UBE2O: variants seen among roughly 807,000 people sequenced by gnomAD.
UBE2O encodes ubiquitin conjugating enzyme E2 O.
A neutral mutation model predicts 125.8 loss-of-function variants in UBE2O; 15 were observed. The ratio of observed to expected loss-of-function variants is 0.12; its 90% CI spans 0.08 to 0.18. UBE2O has a LOEUF of 0.18. Ranked by LOEUF, UBE2O falls within the 10% of genes least tolerant of loss-of-function variation. The pLI, the probability that UBE2O is intolerant of heterozygous loss-of-function variation, is 1.00. For synonymous variants in UBE2O, 708 were observed against 703.2 expected (o/e 1.01, Z -0.11); for missense variants, 1,280 against 1,723.6 (o/e 0.74, Z 4.56).
intron 1 of UBE2O, among the ~76,000 whole-genome samples, chr17:76,424,230 CAG>C (rs909226179): frequency 8.7e-5 from 5 of 57,402 alleles, no homozygotes; most frequent in Non-Finnish European, 1.4e-4. Flanking sequence ...TTTTTTGAGA[CAG>C]AATTTAACTT....
intron 1 of UBE2O, among the ~76,000 whole-genome samples, chr17:76,442,802 C>T (rs2073094263): frequency 1.3e-5 from 2 of 152,054 alleles, no homozygotes; most frequent in Non-Finnish European, 1.5e-5. Context: ...GGTCAGTTGG[C>T]GGCAGCGCTG....
Position 76,395,496 on chromosome 17 carries a change from A to G in UBE2O, c.2946+229T>C. On this transcript the variant is annotated intron_variant, in intron 15 of 17. Transcript: ENST00000319380. The surrounding 1 kb of genome is among the most constrained non-coding windows in gnomAD (Gnocchi z 5.0). ...TGTGAGCCACTGCGCCCGGCCGAGA[A>G]AGTAATTTTTTAAAGGAGGGAGGAA... The G allele has an allele frequency of 4.1e-6, 2 of 487,052 alleles. No homozygotes were observed. The highest frequency in any genetic ancestry group is 3.7e-5 in the Admixed American group (1 of 26,672). 30.2% of individuals were successfully genotyped at this position (487,052 alleles called of 1,614,324 possible). A position where few individuals can be genotyped will look rare whatever the true frequency, so the allele number is the denominator to read the frequency against.
Position 76,453,074 on chromosome 17 carries a change from TCCGGGGCTGGAG to T in UBE2O, c.56_67del (p.Ala19_Pro22del). 1.6e-6 allele frequency: 2 copies of T among 1,233,048 alleles called. No homozygotes were observed. The highest frequency in any genetic ancestry group is 2.0e-5 in the South Asian group (1 of 49,352). 76.4% of individuals were successfully genotyped at this position (1,233,048 alleles called of 1,614,324 possible). A position where few individuals can be genotyped will look rare whatever the true frequency, so the allele number is the denominator to read the frequency against. On this transcript the variant is annotated inframe_deletion, in exon 1 of 18. Transcript: ENST00000319380. Reference sequence around the variant, plus strand: ...GGCTGCGGCTGGGGCCGGGACTGCCTCCGGGGCTGGAGCCGGGGCCTGGGCTGGAGCGGGAGC... The same window carrying T: ...GGCTGCGGCTGGGGCCGGGACTGCCTCCGGGGCCTGGGCTGGAGCGGGAGC...
chr17:76,406,300 C>T (rs573889606), intron 1 of UBE2O, among the ~76,000 whole-genome samples: 13 of 152,328 alleles, frequency 8.5e-5, no homozygotes, highest in East Asian at 3.9e-4. Flanking sequence ...GGCCAGCCTG[C>T]GTCTTTTTTA....
chr17:76,441,271 T>C (rs1187957621), intron 1 of UBE2O, among the ~76,000 whole-genome samples: 1 of 152,226 alleles, frequency 6.6e-6, no homozygotes, highest in Non-Finnish European at 1.5e-5. Context: ...GGGTGTGTTA[T>C]ACTCAAAACA....
Position 76,395,576 on chromosome 17 carries a change from C to A in UBE2O, c.2946+149G>T, listed in dbSNP as rs2072192797. 1 of 879,582 alleles carries A rather than the reference C, an allele frequency of 1.1e-6. No homozygotes were observed. The highest frequency in any genetic ancestry group is 2.5e-5 in the Admixed American group (1 of 39,628). The allele number at this position is 879,582 out of a possible 1,614,324, so 54.5% of individuals were successfully genotyped here. ...CTGAGTCAGCCCTCACCTGACTGAG[C>A]CTGTGACCGCCCCTGTAAAAGGTGG... On this transcript the variant is annotated intron_variant, in intron 15 of 17. Transcript: ENST00000319380. The surrounding 1 kb of genome is among the most constrained non-coding windows in gnomAD (Gnocchi z 5.0).
At chr17:76,437,740 C>T (rs994627160) in intron 1 of UBE2O, among the ~76,000 whole-genome samples, 12 of 151,944 alleles carry the variant, frequency 7.9e-5, no homozygotes, top group African/African-American at 2.9e-4. Context: ...TTTTTACTTT[C>T]GACAAATATA....
At chr17:76,434,293 C>A (rs1283601580) in intron 1 of UBE2O, among the ~76,000 whole-genome samples, 2 of 152,114 alleles carry the variant, frequency 1.3e-5, no homozygotes, top group African/African-American at 4.8e-5. Context: ...AATAAGCACA[C>A]GGTGGCTGAA....
At chr17:76,417,366 C>T (rs2072633260) in intron 1 of UBE2O, among the ~76,000 whole-genome samples, 1 of 152,196 alleles carries the variant, frequency 6.6e-6, no homozygotes, top group Non-Finnish European at 1.5e-5. Flanking sequence ...CTGGAGAAGA[C>T]GATAACATTT....
Position 76,416,839 on chromosome 17 carries a change from C to T in UBE2O, c.418-11267G>A, listed in dbSNP as rs2072625067. 2.0e-5 allele frequency among the ~76,000 whole-genome samples: 3 copies of T among 152,180 alleles called. No individual in the cohort carries two copies. In the South Asian group the frequency reaches 6.2e-4, roughly 32 times the overall value. ...AGCAGCTCATCTCAGGACAGTGAAACAGGACTCAAATACTAACTAGAACAG... is the reference window on the plus strand; with the variant it reads ...AGCAGCTCATCTCAGGACAGTGAAATAGGACTCAAATACTAACTAGAACAG... On this transcript the variant is annotated intron_variant, in intron 1 of 17. Transcript: ENST00000319380.
rs2073275972 is a variant in UBE2O, at chr17:76,452,729, G to C, written c.413C>G (p.Thr138Ser). The stretch of plus-strand genomic sequence containing the variant: ...CCCAGCCCCCGCCCGCCGCACCTTG[G>C]TCTCCTTCACATGCTGCTTGACGCC... Reference protein sequence around the residue: ...PEGVKQHVKETKLKLEDRSVV... With the variant: ...PEGVKQHVKESKLKLEDRSVV... The change falls in exon 1 of 18, where the codon ACC becomes AGC. Residue 138 changes from threonine to serine, a missense_variant. Thr to Ser is a moderately conservative substitution (Grantham distance 58). Coordinates refer to ENST00000319380, the MANE Select transcript of UBE2O (RefSeq NM_022066.4). The surrounding 1 kb of genome is among the most constrained non-coding windows in gnomAD (Gnocchi z 4.4). 6.9e-7 allele frequency: 1 copy of C among 1,458,932 alleles called. No individual in the cohort carries two copies. Among genetic ancestry groups the C allele is most frequent in the Non-Finnish European group, 9.0e-7 (1 of 1,114,512 alleles). 90.4% of individuals were successfully genotyped at this position (1,458,932 alleles called of 1,614,324 possible).
chr17:76,398,565 A>G lies in UBE2O; in HGVS notation c.1803T>C (p.Pro601=), dbSNP rs368245168. 32 of 1,614,112 alleles carry G rather than the reference A, an allele frequency of 2.0e-5. No homozygotes were observed. Among genetic ancestry groups the G allele is most frequent in the African/African-American group, 1.6e-4 (12 of 75,030 alleles). The change falls in exon 11 of 18, where the codon CCT becomes CCC. Residue 601 remains proline, a synonymous_variant. Coordinates refer to ENST00000319380, the MANE Select transcript of UBE2O (RefSeq NM_022066.4). This position sits in a 1 kb window ranked among gnomAD's most constrained non-coding sequence, Gnocchi z 5.4. ...VDKRVQSCPD[P]AVYGVVQSGD... ...CAGACTGTACCACACCGTAGACAGCAGGGTCTGGACAGCTCTGGACTAGGG... is the reference window on the plus strand; with the variant it reads ...CAGACTGTACCACACCGTAGACAGCGGGGTCTGGACAGCTCTGGACTAGGG...
intron 3 of UBE2O, among the ~76,000 whole-genome samples, chr17:76,403,156 G>T (rs1242707081): frequency 6.6e-6 from 1 of 151,228 alleles, no homozygotes; most frequent in African/African-American, 2.4e-5. Flanking sequence ...GTTGGAGAAG[G>T]TGCCCAGGTG....
rs551398859 is a variant in UBE2O, at chr17:76,436,959, A to G, written c.417+15766T>C. On this transcript the variant is annotated intron_variant, in intron 1 of 17. Coordinates refer to ENST00000319380, the MANE Select transcript of UBE2O (RefSeq NM_022066.4). The stretch of plus-strand genomic sequence containing the variant: ...CCAGCCTGGCCAACATGTTGAAACC[A>G]TTTCTACTAAAAATGCAAAACAAAC... Among the ~76,000 whole-genome samples the G allele has an allele frequency of 6.2e-4, 95 of 152,154 alleles. 1 individual carries two copies. The highest frequency in any genetic ancestry group is 3.7e-3 in the South Asian group (18 of 4,808).
Position 76,399,411 on chromosome 17 carries a change from G to A in UBE2O, c.1628+38C>T, listed in dbSNP as rs1276786831. The A allele has an allele frequency of 1.6e-5, 26 of 1,588,540 alleles. No individual in the cohort carries two copies. The highest frequency in any genetic ancestry group is 5.4e-5 in the African/African-American group (4 of 74,410). ...GGACGCGCACTCTGCCTGGCTTCAC[G>A]CTGACGCCATTGGGGAGGGGCACAA... On this transcript the variant is annotated intron_variant, in intron 9 of 17. Coordinates refer to ENST00000319380, the MANE Select transcript of UBE2O (RefSeq NM_022066.4). The surrounding 1 kb of genome is among the most constrained non-coding windows in gnomAD (Gnocchi z 6.9).
chr17:76,419,402 G>A (rs1055288594), intron 1 of UBE2O, among the ~76,000 whole-genome samples: 1 of 151,844 alleles, frequency 6.6e-6, no homozygotes, highest in African/African-American at 2.4e-5. Flanking sequence ...ATATGGGGGT[G>A]TAATGAAGAA....
chr17:76,450,703 C>A lies in UBE2O; in HGVS notation c.417+2022G>T, dbSNP rs539210499. Among the ~76,000 whole-genome samples the A allele has an allele frequency of 4.3e-4, 66 of 152,180 alleles. No individual in the cohort carries two copies. In the East Asian group the frequency reaches 6.6e-3, roughly 15 times the overall value. On this transcript the variant is annotated intron_variant, in intron 1 of 17. Transcript: ENST00000319380. ...ATGGTGCCATCTCAGCTCACCGCAA[C>A]CTCCGCCTCCCTGGTTCAAGCAATT...
In UBE2O at chr17:76,396,924, T is replaced by C; in HGVS notation, c.2116-103A>G. The C allele has an allele frequency of 9.2e-7, 1 of 1,089,650 alleles. No individual in the cohort carries two copies. The highest frequency in any genetic ancestry group is 1.3e-6 in the Non-Finnish European group (1 of 770,052). 67.5% of individuals were successfully genotyped at this position (1,089,650 alleles called of 1,614,324 possible). A position where few individuals can be genotyped will look rare whatever the true frequency, so the allele number is the denominator to read the frequency against. The stretch of plus-strand genomic sequence containing the variant: ...CCTGATCCGCACAGCTGATGGCGAC[T>C]GGGCTCATGAGGCCTTGGCAACCTC... On this transcript the variant is annotated intron_variant, in intron 13 of 17. Transcript: ENST00000319380. The surrounding 1 kb of genome is among the most constrained non-coding windows in gnomAD (Gnocchi z 6.7).
rs896983733 is a variant in UBE2O, at chr17:76,395,076, G to A, written c.2946+649C>T. On this transcript the variant is annotated intron_variant, in intron 15 of 17. Coordinates refer to ENST00000319380, the MANE Select transcript of UBE2O (RefSeq NM_022066.4). The surrounding 1 kb of genome is among the most constrained non-coding windows in gnomAD (Gnocchi z 5.0). ...TTTTTAGTAGAGACAGGGTTTCACCGGGTTGGTCAGGCTGGTCTCAAACTT... is the reference window on the plus strand; with the variant it reads ...TTTTTAGTAGAGACAGGGTTTCACCAGGTTGGTCAGGCTGGTCTCAAACTT... Among the ~76,000 whole-genome samples, 2 of 151,926 alleles carry A rather than the reference G, an allele frequency of 1.3e-5. No homozygotes were observed. The highest frequency in any genetic ancestry group is 2.4e-5 in the African/African-American group (1 of 41,372).
Sources: gnomAD v4.1 joint callset for allele counts (sites outside exome capture counted in the v4.1 genomes callset) on GRCh38, gnomAD v4.1.1 for gene constraint, Gnocchi (gnomAD v3.1) non-coding constraint, MANE v1.5 for transcripts, NCBI Gene and HGNC (gene_info 2026-07-23, HGNC 2026-07-21) for gene names.